The following SMYD3 variants were observed in gnomAD, a reference collection of about 807,000 sequenced individuals.
SMYD3 encodes histone-lysine N-methyltransferase SMYD3.
Under a neutral mutation model 57.7 loss-of-function variants are expected in SMYD3, and 36 were observed. The ratio of observed to expected loss-of-function variants is 0.62; its 90% CI spans 0.48 to 0.82. SMYD3 has a LOEUF of 0.82. Among genes scored for constraint, SMYD3 ranks in the 40% least tolerant of loss-of-function variants. The pLI is 0.00. For synonymous variants in SMYD3, 211 were observed against 195.0 expected (o/e 1.08, Z -0.68); for missense variants, 515 against 538.8 (o/e 0.96, Z 0.44).
intron 1 of SMYD3, among the ~76,000 whole-genome samples, chr1:246,369,888 C>G (rs1572429732): frequency 9.4e-6 from 1 of 106,308 alleles, no homozygotes; most frequent in Non-Finnish European, 2.3e-5. Context: ...ATTTCTAACA[C>G]AAAGTATAAA....
At chr1:246,405,102 C>T (rs931972800) in intron 1 of SMYD3, among the ~76,000 whole-genome samples, 5 of 152,030 alleles carry the variant, frequency 3.3e-5, no homozygotes, top group East Asian at 1.9e-4. Context: ...CAGGTGTGCA[C>T]GACCACACCT....
chr1:246,321,754 G>A (rs1191566452), intron 5 of SMYD3: 1 of 152,098 alleles, frequency 6.6e-6, no homozygotes, highest in East Asian at 1.9e-4. Context: ...GTCATGCCAT[G>A]ATAAATTTTT....
rs574304421 is a variant in SMYD3, at chr1:245,771,036, CTA to C, written c.1077-6889_1077-6888del. 1.2e-4 allele frequency among the ~76,000 whole-genome samples: 18 copies of C among 149,738 alleles called. No individual in the cohort carries two copies. In the East Asian group the frequency reaches 3.3e-3, roughly 27 times the overall value. ...GAGAAAGGAGAGAATGGGGCAGAAG[CTA>C]TATATATACACACACACACACATAC... On this transcript the variant is annotated intron_variant, in intron 10 of 11. Transcript: ENST00000490107.
intron 1 of SMYD3, among the ~76,000 whole-genome samples, chr1:246,418,504 C>G (rs938359010): frequency 6.6e-6 from 1 of 152,182 alleles, no homozygotes; most frequent in Admixed American, 6.5e-5. Context: ...CTGTAGGCAG[C>G]TTGTGTTAGT....
At chr1:246,296,814 T>A (rs1216239881) in intron 5 of SMYD3, among the ~76,000 whole-genome samples, 1 of 152,230 alleles carries the variant, frequency 6.6e-6, no homozygotes, top group Admixed American at 6.5e-5. Flanking sequence ...CCTATTTAAG[T>A]GATTAATGAA....
chr1:246,118,749 G>C lies in SMYD3; in HGVS notation c.532-188812C>G, dbSNP rs555650234. ...CTCCCAATTTTTTTTTAAAATGTGT[G>C]CTAAAGAGAAGTGTTGTATGAAACT... On this transcript the variant is annotated intron_variant, in intron 5 of 11. Coordinates refer to ENST00000490107, the MANE Select transcript of SMYD3 (RefSeq NM_001167740.2). 7.5e-4 allele frequency among the ~76,000 whole-genome samples: 114 copies of C among 151,148 alleles called. 1 individual carries two copies. Among genetic ancestry groups the C allele is most frequent in the Non-Finnish European group, 1.3e-3 (90 of 67,868 alleles).
At chr1:245,907,444 T>C (rs541354732) in intron 8 of SMYD3, among the ~76,000 whole-genome samples, 1 of 152,304 alleles carries the variant, frequency 6.6e-6, no homozygotes, top group African/African-American at 2.4e-5. Context: ...TCATCACCAC[T>C]AGACTAGCTC....
chr1:245,831,568 C>T (rs1440545965), intron 10 of SMYD3, among the ~76,000 whole-genome samples: 1 of 152,244 alleles, frequency 6.6e-6, no homozygotes, highest in African/African-American at 2.4e-5. Flanking sequence ...CACTTTCTAG[C>T]ATCACTCACA....
intron 1 of SMYD3, among the ~76,000 whole-genome samples, chr1:246,494,853 G>A (rs141838783): frequency 6.6e-6 from 1 of 152,274 alleles, no homozygotes; most frequent in East Asian, 1.9e-4. Context: ...AACAGAACAT[G>A]CTAATGTCAA....
At chr1:246,348,541 G>A (rs1368653154) in intron 2 of SMYD3, among the ~76,000 whole-genome samples, 2 of 152,140 alleles carry the variant, frequency 1.3e-5, no homozygotes. Context: ...ACAAGTGGGA[G>A]CTAAAATTGG....
rs547274094 is a variant in SMYD3, at chr1:246,462,420, G to A, written c.164+44634C>T. 1.1e-4 allele frequency among the ~76,000 whole-genome samples: 17 copies of A among 152,206 alleles called. No individual in the cohort carries two copies. In the East Asian group the frequency reaches 2.3e-3, roughly 21 times the overall value. On this transcript the variant is annotated intron_variant, in intron 1 of 11. Transcript: ENST00000490107. ...CCATCCTTGGACCTGCCTCTCCCAC[G>A]ACTCCATGGGGGCCTGGCCTCAAGT...
chr1:245,868,608 C>CT lies in SMYD3; in HGVS notation c.814-4723dup, dbSNP rs1253255736. On this transcript the variant is annotated intron_variant, in intron 8 of 11. Coordinates refer to ENST00000490107, the MANE Select transcript of SMYD3 (RefSeq NM_001167740.2). ...CTGTTCTTTTAGGTTGATCCTAAGC[C>CT]TTTATTTGCTTAACAGAAGAGCAAG... Among the ~76,000 whole-genome samples the CT allele has an allele frequency of 1.5e-4, 23 of 152,164 alleles. 1 individual carries two copies. The highest frequency in any genetic ancestry group is 7.3e-5 in the Non-Finnish European group (5 of 68,034).
chr1:245,793,151 T>C (rs1027372222), intron 10 of SMYD3, among the ~76,000 whole-genome samples: 3 of 147,662 alleles, frequency 2.0e-5, no homozygotes, highest in Middle Eastern at 6.8e-3. Flanking sequence ...CTACTAAAAA[T>C]ACAAAAAATG....
chr1:245,797,408 C>A (rs182506992), intron 10 of SMYD3, among the ~76,000 whole-genome samples: 5 of 144,924 alleles, frequency 3.5e-5, no homozygotes, highest in African/African-American at 1.4e-4. Context: ...CCATCATTCT[C>A]AACAAACTAT....
At chr1:245,965,895 T>G (rs891783965) in intron 5 of SMYD3, among the ~76,000 whole-genome samples, 1 of 152,102 alleles carries the variant, frequency 6.6e-6, no homozygotes, top group East Asian at 1.9e-4. Context: ...TGGGAGATAA[T>G]GTGTCAATGT....
chr1:246,263,609 C>T (rs561808277), intron 5 of SMYD3, among the ~76,000 whole-genome samples: 1 of 152,316 alleles, frequency 6.6e-6, no homozygotes, highest in South Asian at 2.1e-4. Context: ...CACAAACATA[C>T]TTTTTCATAC....
In SMYD3 at chr1:246,174,351, G is replaced by A. The variant is rs1057113953; in HGVS notation, c.531+152850C>T. ...TATGACAGGTGGTAGAAAGTTCCCC[G>A]CTCTATTATAATATTATGGGACCAG... On this transcript the variant is annotated intron_variant, in intron 5 of 11. Transcript: ENST00000490107. Among the ~76,000 whole-genome samples the A allele has an allele frequency of 5.3e-5, 8 of 152,062 alleles. No individual in the cohort carries two copies. In the East Asian group the frequency reaches 1.3e-3, roughly 26 times the overall value.
chr1:246,083,515 G>GGGTCCTCCGTATGCTGAGCGCA (rs201949202), intron 5 of SMYD3, among the ~76,000 whole-genome samples: 7 of 151,358 alleles, frequency 4.6e-5, no homozygotes, highest in East Asian at 1.9e-4. Context: ...GTGCCGGCGC[G>GGGTCCTCCGTATGCTGAGCGCA]GGTCCCCTGC....
intron 1 of SMYD3, chr1:246,426,072 T>C (rs2067213327): frequency 6.6e-6 from 1 of 152,222 alleles, no homozygotes; most frequent in African/African-American, 2.4e-5. Context: ...AATCTATAAC[T>C]GACTGAAAAG....
Sources: gnomAD v4.1 joint callset for allele counts (sites outside exome capture counted in the v4.1 genomes callset) on GRCh38, gnomAD v4.1.1 for gene constraint, MANE v1.5 for transcripts, NCBI Gene and HGNC (gene_info 2026-07-23, HGNC 2026-07-21) for gene names.